The following RTN1 variants were observed in gnomAD, a reference collection of about 807,000 sequenced individuals.
The protein encoded by RTN1 is reticulon 1.
RTN1 carries 25 observed loss-of-function variants against 65.5 expected under a neutral mutation model. The observed-to-expected ratio is 0.38, with a 90% CI of 0.28 to 0.53. The LOEUF (loss-of-function observed/expected upper bound fraction) is 0.53. Among genes scored for constraint, RTN1 ranks in the 20% least tolerant of loss-of-function variants. The probability of loss-of-function intolerance (pLI) is 0.79; values close to 1 mark genes in which losing one functional copy is unlikely to be tolerated. For missense variants in RTN1, 983 were observed against 1,025.4 expected (o/e 0.96, Z 0.57); for synonymous variants, 471 against 447.6 (o/e 1.05, Z -0.66).
intron 8 of RTN1, among the ~76,000 whole-genome samples, chr14:59,602,548 A>G (rs1167324245): frequency 6.6e-6 from 1 of 152,276 alleles, no homozygotes; most frequent in Non-Finnish European, 1.5e-5. Flanking sequence ...GGTATTAAAC[A>G]CATACACACA....
At chr14:59,827,666 C>T (rs891111142) in intron 1 of RTN1, among the ~76,000 whole-genome samples, 24 of 152,206 alleles carry the variant, frequency 1.6e-4, no homozygotes, top group Non-Finnish European at 3.2e-4. Flanking sequence ...CAGTCATTGC[C>T]TATCCCTCAC....
chr14:59,624,606 C>T (rs190224975), intron 3 of RTN1, among the ~76,000 whole-genome samples: 1 of 152,012 alleles, frequency 6.6e-6, no homozygotes, highest in African/African-American at 2.4e-5. Flanking sequence ...GGACTACAGG[C>T]GTGTGCCACC....
rs1886412031 is a variant in RTN1 at position 59,794,884 on chromosome 14, A to C, written c.242-48403T>G. On this transcript the variant is annotated intron_variant, in intron 1 of 8. Coordinates refer to ENST00000267484, the MANE Select transcript of RTN1 (RefSeq NM_021136.3). This position sits in a 1 kb window ranked among gnomAD's most constrained non-coding sequence, Gnocchi z 5.1. ...TTTTTATCTAGGTATCCAAATGTCTAGCAAAAAAGTTTTTCCACTACAGGA... is the reference window on the plus strand; with the variant it reads ...TTTTTATCTAGGTATCCAAATGTCTCGCAAAAAAGTTTTTCCACTACAGGA... Among the ~76,000 whole-genome samples, 1 of 152,228 alleles carries C rather than the reference A, an allele frequency of 6.6e-6. No individual in the cohort carries two copies. The highest frequency in any genetic ancestry group is 2.1e-4 in the South Asian group (1 of 4,834).
chr14:59,710,952 T>C (rs186401424), intron 3 of RTN1, among the ~76,000 whole-genome samples: 26 of 152,328 alleles, frequency 1.7e-4, no homozygotes, highest in African/African-American at 5.5e-4. Context: ...TTCTAGCAAG[T>C]AGGAAATATT....
chr14:59,754,380 T>C (rs2139534002), intron 1 of RTN1, among the ~76,000 whole-genome samples: 1 of 152,296 alleles, frequency 6.6e-6, no homozygotes, highest in South Asian at 2.1e-4. Flanking sequence ...GATTCTACTT[T>C]TCTCAAGGAA....
intron 3 of RTN1, among the ~76,000 whole-genome samples, chr14:59,717,330 A>G (rs967875500): frequency 6.6e-6 from 1 of 152,192 alleles, no homozygotes; most frequent in Non-Finnish European, 1.5e-5. Flanking sequence ...AGAATGTTAT[A>G]TTTACCAGAA....
chr14:59,832,086 A>G (rs1887134250), intron 1 of RTN1, among the ~76,000 whole-genome samples: 1 of 152,144 alleles, frequency 6.6e-6, no homozygotes, highest in Non-Finnish European at 1.5e-5. Flanking sequence ...CCCAACTCTG[A>G]GTTTGGTTAT....
intron 1 of RTN1, among the ~76,000 whole-genome samples, chr14:59,826,598 C>T (rs999243516): frequency 6.6e-6 from 1 of 152,128 alleles, no homozygotes; most frequent in Non-Finnish European, 1.5e-5. Flanking sequence ...AGACAAAGAT[C>T]GCAAAGATAA....
chr14:59,792,244 G>A (rs1886361967), intron 1 of RTN1, among the ~76,000 whole-genome samples: 1 of 152,038 alleles, frequency 6.6e-6, no homozygotes, highest in African/African-American at 2.4e-5. Flanking sequence ...TTCTTCTCCT[G>A]GAAGTGGTTT....
intron 1 of RTN1, among the ~76,000 whole-genome samples, chr14:59,786,076 G>A (rs1886244592): frequency 6.6e-6 from 1 of 152,210 alleles, no homozygotes; most frequent in Non-Finnish European, 1.5e-5. Flanking sequence ...CTTAGAGGTA[G>A]AAGAGCCCAA....
At chr14:59,724,713 T>G (rs1207661410) in intron 3 of RTN1, among the ~76,000 whole-genome samples, 1 of 142,390 alleles carries the variant, frequency 7.0e-6, no homozygotes, top group East Asian at 2.2e-4. Flanking sequence ...AAAGTGAAAC[T>G]CTGTGTCAGA....
intron 3 of RTN1, among the ~76,000 whole-genome samples, chr14:59,714,077 TA>T (rs1469242108): frequency 6.6e-6 from 1 of 151,512 alleles, no homozygotes; most frequent in Admixed American, 6.6e-5. Flanking sequence ...CTACTAAAAA[TA>T]AAAAAAATTG....
At chr14:59,747,152 C>G (rs1191465078) in intron 1 of RTN1, among the ~76,000 whole-genome samples, 1 of 152,226 alleles carries the variant, frequency 6.6e-6, no homozygotes, top group Non-Finnish European at 1.5e-5. Flanking sequence ...TACTCCTCTA[C>G]TGCCCATTCA....
intron 3 of RTN1, among the ~76,000 whole-genome samples, chr14:59,639,743 G>T (rs774909140): frequency 6.6e-6 from 1 of 152,154 alleles, no homozygotes; most frequent in Admixed American, 6.5e-5. Context: ...GTTATGAACA[G>T]ATATTGAATT....
intron 1 of RTN1, among the ~76,000 whole-genome samples, chr14:59,793,025 A>T (rs1886378050): frequency 1.3e-5 from 2 of 152,178 alleles, no homozygotes; most frequent in South Asian, 4.1e-4. Flanking sequence ...GATATTTTTT[A>T]AAGGCTCTAA....
intron 1 of RTN1, among the ~76,000 whole-genome samples, chr14:59,767,749 A>T (rs1043845201): frequency 6.6e-6 from 1 of 152,202 alleles, no homozygotes; most frequent in Non-Finnish European, 1.5e-5. Context: ...AAATTTCCCT[A>T]TGGTGCTTTC....
intron 4 of RTN1, among the ~76,000 whole-genome samples, chr14:59,606,369 A>G (rs1346463901): frequency 3.9e-5 from 6 of 151,972 alleles, no homozygotes; most frequent in Non-Finnish European, 8.8e-5. Context: ...TTCATGTTGA[A>G]ATCTTAACCC....
chr14:59,850,444 T>C (rs1887483672), intron 1 of RTN1, among the ~76,000 whole-genome samples: 1 of 152,244 alleles, frequency 6.6e-6, no homozygotes, highest in South Asian at 2.1e-4. Flanking sequence ...GTTGTATGGG[T>C]ACACAAAGTA....
intron 1 of RTN1, among the ~76,000 whole-genome samples, chr14:59,866,067 A>G (rs1887793089): frequency 6.6e-6 from 1 of 152,170 alleles, no homozygotes; most frequent in African/African-American, 2.4e-5. Context: ...TTAGATTATT[A>G]TAATTCCCTT....
Sources: gnomAD v4.1 joint callset for allele counts (sites outside exome capture counted in the v4.1 genomes callset) on GRCh38, gnomAD v4.1.1 for gene constraint, Gnocchi (gnomAD v3.1) non-coding constraint, MANE v1.5 for transcripts, NCBI Gene and HGNC (gene_info 2026-07-23, HGNC 2026-07-21) for gene names.